ILDR2: variants seen among roughly 807,000 people sequenced by gnomAD.
ILDR2 encodes immunoglobulin like domain containing receptor 2, also known as immunoglobulin-like domain-containing receptor 2.
A neutral mutation model predicts 66.8 loss-of-function variants in ILDR2; 25 were observed. The ratio of observed to expected loss-of-function variants is 0.37; its 90% CI spans 0.27 to 0.52. ILDR2 has a LOEUF of 0.52. Ranked by LOEUF, ILDR2 falls within the 20% of genes least tolerant of loss-of-function variation. ILDR2 has a pLI of 0.88. For synonymous variants in ILDR2, 367 were observed against 357.2 expected (o/e 1.03, Z -0.31); for missense variants, 827 against 876.8 (o/e 0.94, Z 0.72).
At position 166,917,194 on chromosome 1, in the gene ILDR2, C is replaced by T. The variant is rs1181164786; in HGVS notation, c.*2161G>A. On this transcript the variant is annotated 3_prime_UTR_variant, in exon 10 of 10. Coordinates refer to ENST00000271417, the MANE Select transcript of ILDR2 (RefSeq NM_199351.3). ...GTCTTCCAGCCCTTGGAAGTGCCAG[C>T]ACTGGGTTCAACTGTTCTCCTGATT... is the stretch of plus-strand genomic sequence containing the variant. The T allele has an allele frequency of 6.6e-6, 1 of 152,266 alleles. No homozygotes were observed. The highest frequency in any genetic ancestry group is 1.5e-5 in the Non-Finnish European group (1 of 68,088). The allele number at this position is 152,266 out of a possible 1,614,324, so 9.4% of individuals were successfully genotyped here.
At chr1:166,972,030 G>A (rs1302607805) in intron 1 of ILDR2, among the ~76,000 whole-genome samples, 1 of 152,062 alleles carries the variant, frequency 6.6e-6, no homozygotes, top group Non-Finnish European at 1.5e-5. Context: ...TAGCCAACAT[G>A]GTGAAACCCC....
intron 3 of ILDR2, among the ~76,000 whole-genome samples, chr1:166,946,801 G>A (rs1392995434): frequency 6.6e-6 from 1 of 152,124 alleles, no homozygotes; most frequent in East Asian, 1.9e-4. Flanking sequence ...CTGCCTTCTA[G>A]TCTCCTAATA....
chr1:166,906,464 G>C (rs1346983110), downstream of ILDR2, among the ~76,000 whole-genome samples: 1 of 152,096 alleles, frequency 6.6e-6, no homozygotes, highest in Non-Finnish European at 1.5e-5. Flanking sequence ...AAGGTATTCT[G>C]GAATAAAGGA....
In ILDR2 at chr1:166,922,775, A is replaced by G. The variant is rs1168280207; in HGVS notation, c.1029T>C (p.His343=). The part of the protein sequence containing the change: ...NNTISELSSL[H]EEDSNFRQSF... The stretch of plus-strand genomic sequence containing the variant: ...ACTGGCGGAAATTGCTGTCCTCCTC[A>G]TGTAGGGAGCTGAGTTCTGAGATGG... Residue 343 remains histidine, a synonymous_variant, in exon 8 of 10, where the codon CAT becomes CAC. Transcript: ENST00000271417. 26 of 1,614,036 alleles carry G rather than the reference A, an allele frequency of 1.6e-5. No homozygotes were observed. Among genetic ancestry groups the G allele is most frequent in the Non-Finnish European group, 1.8e-5 (21 of 1,180,028 alleles).
At chr1:166,956,691 A>G (rs757337012) in intron 3 of ILDR2, 42 bp downstream of exon 3, 2 of 1,607,684 alleles carry the variant, frequency 1.2e-6, no homozygotes, top group East Asian at 2.2e-5. Context: ...GTGCAAGTGC[A>G]AGTGGTCTAA....
intron 3 of ILDR2, among the ~76,000 whole-genome samples, chr1:166,955,332 C>T (rs749685391): frequency 6.6e-6 from 1 of 152,080 alleles, no homozygotes; most frequent in Non-Finnish European, 1.5e-5. Context: ...GCTGGGTGGG[C>T]GAGGTGGCTC....
exon 3 of ILDR2, chr1:166,895,966 C>T (rs745659340): frequency 1.3e-5 from 2 of 152,118 alleles, no homozygotes; most frequent in African/African-American, 4.8e-5. Flanking sequence ...TCTCGATGTT[C>T]CTATGTCTTC....
chr1:166,897,693 G>C (rs775983440), intron 2 of ILDR2, among the ~76,000 whole-genome samples: 2 of 152,136 alleles, frequency 1.3e-5, no homozygotes, highest in Non-Finnish European at 2.9e-5. Flanking sequence ...CCTCCTCGTT[G>C]GTAATATACA....
downstream of ILDR2, among the ~76,000 whole-genome samples, chr1:166,905,202 C>A (rs995504645): frequency 1.3e-5 from 2 of 152,168 alleles, no homozygotes; most frequent in African/African-American, 4.8e-5. Context: ...TCTCCAAACT[C>A]TGCTAGCCCA....
chr1:166,935,209 GAC>G (rs1377864011), intron 6 of ILDR2, 90 bp downstream of exon 6: 1 of 1,249,984 alleles, frequency 8.0e-7, no homozygotes, highest in Non-Finnish European at 1.2e-6. Context: ...ATTTTCCAAA[GAC>G]ACATCACTGA....
At chr1:166,905,226 C>T (rs1659325742), downstream of ILDR2, among the ~76,000 whole-genome samples, 1 of 152,160 alleles carries the variant, frequency 6.6e-6, no homozygotes, top group Non-Finnish European at 1.5e-5. Flanking sequence ...TGGCCATGAT[C>T]TCTTTCATCC....
In ILDR2 at chr1:166,921,162, A is replaced by C; in HGVS notation, c.1429T>G (p.Tyr477Asp). The change falls in exon 9 of 10, where the codon TAC becomes GAC. Residue 477 changes from tyrosine (Y) to aspartate (D), a missense_variant. Tyr to Asp is a radical substitution (Grantham distance 160, BLOSUM62 -3). Transcript: ENST00000271417. The surrounding 1 kb of genome is among the most constrained non-coding windows in gnomAD (Gnocchi z 5.3). ...GFYQDDSLEE[Y>D]YGQRSRSREP... ...CGGCTGCGGCTGCGCTGACCGTAGT[A>C]CTCCTCCAAGGAGTCGTCCTGGTAG... 1 of 1,544,426 alleles carries C rather than the reference A, an allele frequency of 6.5e-7. No individual in the cohort carries two copies. The highest frequency in any genetic ancestry group is 8.7e-7 in the Non-Finnish European group (1 of 1,152,056).
chr1:166,920,891 G>C lies in ILDR2; in HGVS notation c.1700C>G (p.Ala567Gly), dbSNP rs977782126. The change falls in exon 9 of 10, where the codon GCT (alanine) becomes GGT (glycine). Residue 567 changes from alanine (A) to glycine (G), a missense_variant. Ala to Gly is a moderately conservative substitution (Grantham distance 60). Around this residue, in one of 2 missense-constraint regions of ILDR2, gnomAD observed 390 missense variants for 353.6 expected, o/e 1.10. Transcript: ENST00000271417. ...QLGPRSASYY[A>G]WSPPGTYKAG... is the part of the protein sequence containing the mutation. ...CTTGTAGGTGCCGGGCGGCGACCAAGCGTAGTAGGAGGCGCTGCGCGGGCC... is the reference window on the plus strand; with the variant it reads ...CTTGTAGGTGCCGGGCGGCGACCAACCGTAGTAGGAGGCGCTGCGCGGGCC... 6.7e-7 allele frequency: 1 copy of C among 1,488,782 alleles called. No individual in the cohort carries two copies. Among genetic ancestry groups the C allele is most frequent in the Non-Finnish European group, 8.9e-7 (1 of 1,124,394 alleles). The allele number at this position is 1,488,782 out of a possible 1,614,324, so 92.2% of individuals were successfully genotyped here.
Position 166,918,947 on chromosome 1 carries a change from G to C in ILDR2, c.*408C>G. ...TCTAATAGTAGTAATAAATTCTTCT[G>C]TCTCTAAGTATAGCACAGGAGGTAT... On this transcript the variant is annotated 3_prime_UTR_variant, in exon 10 of 10. Transcript: ENST00000271417. 3.2e-6 allele frequency: 1 copy of C among 311,106 alleles called. No homozygotes were observed. Among genetic ancestry groups the C allele is most frequent in the East Asian group, 5.2e-5 (1 of 19,362 alleles). The allele number at this position is 311,106 out of a possible 1,614,324, so 19.3% of individuals were successfully genotyped here.
chr1:166,930,480 A>G (rs1053664055), intron 6 of ILDR2, among the ~76,000 whole-genome samples: 1 of 152,220 alleles, frequency 6.6e-6, no homozygotes, highest in Non-Finnish European at 1.5e-5. Flanking sequence ...ATTTGGTTTC[A>G]GTAGCTAAAA....
Position 166,922,650 on chromosome 1 carries a change from C to T in ILDR2, c.1154G>A (p.Ser385Asn). ...ATACTCCATGGCTGAGGGCCCGCGG[C>T]TTGCCCCACTGCTGCCTCCCATGAC... ...SGVMGGSSGASRGPSAMEYNK... is the reference protein window; with the variant it reads ...SGVMGGSSGANRGPSAMEYNK... Residue 385 changes from serine (S) to asparagine (N), a missense_variant, in exon 8 of 10, where the codon AGC (serine) becomes AAC (asparagine). Physicochemically the swap from Ser to Asn is conservative, Grantham distance 46. This residue lies in a region of ILDR2 where 437 missense variants were observed against 523.2 expected (regional missense o/e 0.84). Coordinates refer to ENST00000271417, the MANE Select transcript of ILDR2 (RefSeq NM_199351.3). 2 of 1,614,210 alleles carry T rather than the reference C, an allele frequency of 1.2e-6. No individual in the cohort carries two copies. The highest frequency in any genetic ancestry group is 1.7e-6 in the Non-Finnish European group (2 of 1,180,034).
chr1:166,960,441 T>C (rs1571196764), intron 1 of ILDR2, among the ~76,000 whole-genome samples: 1 of 152,212 alleles, frequency 6.6e-6, no homozygotes, highest in Non-Finnish European at 1.5e-5. Context: ...ACACTAATGA[T>C]GGTTTCTTAA....
At chr1:166,928,279 C>G (rs1462422514) in intron 6 of ILDR2, among the ~76,000 whole-genome samples, 2 of 152,204 alleles carry the variant, frequency 1.3e-5, no homozygotes, top group East Asian at 1.9e-4. Flanking sequence ...GGTTTCATAA[C>G]TTGCCCAGGA....
chr1:166,937,816 C>T (rs1661074907), intron 4 of ILDR2, among the ~76,000 whole-genome samples: 1 of 152,192 alleles, frequency 6.6e-6, no homozygotes, highest in South Asian at 2.1e-4. Context: ...TGGTTAAAAG[C>T]CATCTATCCC....
Sources: allele counts gnomAD v4.1 joint callset (sites outside exome capture counted in the v4.1 genomes callset), GRCh38; gene constraint gnomAD v4.1.1; regional missense constraint gnomAD v4.1.1; non-coding constraint Gnocchi (gnomAD v3.1); transcripts MANE v1.5; gene names NCBI Gene and HGNC (gene_info 2026-07-23, HGNC 2026-07-21).